Variants in SEL1L3 observed in about 807,000 individuals in gnomAD.
The protein encoded by SEL1L3 is protein sel-1 homolog 3.
SEL1L3 carries 76 observed loss-of-function variants against 142.8 expected under a neutral mutation model. The ratio of observed to expected loss-of-function variants is 0.53; its 90% CI spans 0.44 to 0.64. The LOEUF (loss-of-function observed/expected upper bound fraction) is 0.64. Among genes scored for constraint, SEL1L3 ranks in the 30% least tolerant of loss-of-function variants. The pLI is 0.00. For synonymous variants in SEL1L3, 504 were observed against 519.6 expected, an observed-to-expected ratio of 0.97 and a Z score of 0.41; for missense variants, 1,262 against 1,381.7, an observed-to-expected ratio of 0.91 and a Z score of 1.37.
At chr4:25,716,245 G>A in the SEL1L3 span, among the ~76,000 whole-genome samples, 17 of 152,076 alleles carry the variant, frequency 1.1e-4, no homozygotes, top group African/African-American at 3.6e-4. Flanking sequence ...AAATGTAAAT[G>A]GCCAATTAAC....
chr4:25,848,273 T>C (rs1179530431), intron 1 of SEL1L3, among the ~76,000 whole-genome samples: 1 of 152,182 alleles, frequency 6.6e-6, no homozygotes, highest in African/African-American at 2.4e-5. Context: ...AAATGGTGGG[T>C]CAGACACTAC....
At chr4:25,794,672 T>C (rs757213229) in intron 11 of SEL1L3, among the ~76,000 whole-genome samples, 3 of 152,174 alleles carry the variant, frequency 2.0e-5, no homozygotes, top group Non-Finnish European at 2.9e-5. Context: ...CCCAAAGACC[T>C]AGAACCAGAA....
chr4:25,808,366 CT>C (rs1219556228), intron 9 of SEL1L3, among the ~76,000 whole-genome samples: 2 of 152,110 alleles, frequency 1.3e-5, no homozygotes, highest in Non-Finnish European at 2.9e-5. Flanking sequence ...ATTTATTTTG[CT>C]TTTTTCCCCT....
At chr4:25,815,733 G>A (rs1205848018) in intron 9 of SEL1L3, among the ~76,000 whole-genome samples, 1 of 151,894 alleles carries the variant, frequency 6.6e-6, no homozygotes, top group Non-Finnish European at 1.5e-5. Flanking sequence ...ACGGAAACCT[G>A]GAATTATCTC....
chr4:25,776,392 A>T lies in SEL1L3; in HGVS notation c.2586-32T>A, dbSNP rs775572722. 227 of 1,406,078 alleles carry T rather than the reference A, an allele frequency of 1.6e-4. 1 individual carries two copies. The highest frequency in any genetic ancestry group is 2.2e-5 in the Non-Finnish European group (22 of 994,720). 87.1% of individuals were successfully genotyped at this position (1,406,078 alleles called of 1,614,324 possible). On this transcript the variant is annotated intron_variant, in intron 16 of 23. Transcript: ENST00000399878. ...AAAAAAAGGGAAGAGAAAATACGCA[A>T]ACCATGGCAAATTTAATAAAATGTT... is the stretch of plus-strand genomic sequence containing the variant.
intron 23 of SEL1L3, among the ~76,000 whole-genome samples, chr4:25,751,494 T>A (rs1717585875): frequency 6.6e-6 from 1 of 151,914 alleles, no homozygotes; most frequent in Non-Finnish European, 1.5e-5. Context: ...CTGGTGACTA[T>A]CTGAGTGACC....
At chr4:25,753,220 A>C (rs536478810) in intron 23 of SEL1L3, among the ~76,000 whole-genome samples, 82 of 152,376 alleles carry the variant, frequency 5.4e-4, no homozygotes, top group African/African-American at 1.8e-3. Context: ...ACTCAGGAGG[A>C]AAATGAAGGT....
the SEL1L3 span, among the ~76,000 whole-genome samples, chr4:25,737,239 T>C: frequency 6.6e-6 from 1 of 152,196 alleles, no homozygotes; most frequent in African/African-American, 2.4e-5. Flanking sequence ...TGCCTTGGCC[T>C]CGTAAAGTGC....
chr4:25,852,741 A>T (rs984077538), intron 1 of SEL1L3, among the ~76,000 whole-genome samples: 6 of 152,194 alleles, frequency 3.9e-5, no homozygotes, highest in African/African-American at 1.4e-4. Flanking sequence ...TTCTTTCCCA[A>T]AGAACAACTT....
intron 9 of SEL1L3, among the ~76,000 whole-genome samples, chr4:25,809,738 A>T (rs1237704275): frequency 6.6e-6 from 1 of 151,882 alleles, no homozygotes; most frequent in African/African-American, 2.4e-5. Flanking sequence ...GTCTCTGTGT[A>T]TTTTTTTAAA....
At chr4:25,781,794 GA>G (rs1720019198) in intron 15 of SEL1L3, among the ~76,000 whole-genome samples, 1 of 152,200 alleles carries the variant, frequency 6.6e-6, no homozygotes, top group African/African-American at 2.4e-5. Context: ...TGGCACAGAG[GA>G]AATGCTTAAT....
chr4:25,771,847 G>A lies in SEL1L3; in HGVS notation c.2670-4017C>T, dbSNP rs143058574. 2.9e-3 allele frequency among the ~76,000 whole-genome samples: 447 copies of A among 152,312 alleles called. 8 individuals carry two copies. The highest frequency in any genetic ancestry group is 1.7e-3 in the East Asian group (9 of 5,194). On this transcript the variant is annotated intron_variant, in intron 17 of 23. Transcript: ENST00000399878. ...CCTTGGCTAACTTCTTCGAGTGTCC[G>A]AGGACAGCCTCAGGCATGACAACAT...
the SEL1L3 span, among the ~76,000 whole-genome samples, chr4:25,734,085 G>A: frequency 1.3e-5 from 2 of 151,962 alleles, no homozygotes; most frequent in African/African-American, 2.4e-5. Flanking sequence ...GTGCAATGGC[G>A]TGATCTTGGC....
intron 9 of SEL1L3, among the ~76,000 whole-genome samples, chr4:25,813,362 A>G (rs911934419): frequency 6.6e-6 from 1 of 152,258 alleles, no homozygotes; most frequent in Non-Finnish European, 1.5e-5. Context: ...ATGAAATACC[A>G]TTCAGCCTTA....
Position 25,843,334 on chromosome 4 carries a change from G to A in SEL1L3, c.733+3960C>T, listed in dbSNP as rs527473462. On this transcript the variant is annotated intron_variant, in intron 2 of 23. Transcript: ENST00000399878. The stretch of plus-strand genomic sequence containing the variant: ...GGTGGCCACTTGCAGGCAGTGCCAG[G>A]AGTCCAGACAGGAGGATGACGGCTT... Among the ~76,000 whole-genome samples the A allele has an allele frequency of 1.5e-4, 23 of 152,286 alleles. No individual in the cohort carries two copies. The South Asian group carries it at 4.4e-3, about 29-fold the overall frequency.
chr4:25,787,016 C>T (rs1471500285), intron 13 of SEL1L3, among the ~76,000 whole-genome samples: 1 of 152,154 alleles, frequency 6.6e-6, no homozygotes, highest in East Asian at 1.9e-4. Context: ...GGACATAAGT[C>T]CACGAATTTC....
rs1715890402 is a variant in SEL1L3 at position 25,837,226 on chromosome 4, CT to C, written c.734-1904del. Among the ~76,000 whole-genome samples, 7 of 150,552 alleles carry C rather than the reference CT, an allele frequency of 4.6e-5. No individual in the cohort carries two copies. In the South Asian group the frequency reaches 1.5e-3, roughly 32 times the overall value. On this transcript the variant is annotated intron_variant, in intron 2 of 23. Coordinates refer to ENST00000399878, the MANE Select transcript of SEL1L3 (RefSeq NM_015187.5). ...ACCAAGGAAGTTGACATCAGCTCAA[CT>C]TTGGTTTGGCTTCCACTATGTTGAG...
intron 2 of SEL1L3, among the ~76,000 whole-genome samples, chr4:25,844,171 G>T (rs1015242095): frequency 4.6e-5 from 7 of 152,166 alleles, no homozygotes; most frequent in Non-Finnish European, 1.0e-4. Context: ...GTTCTGACTT[G>T]ATTCTTGTTC....
chr4:25,846,371 G>A (rs1408668923), intron 2 of SEL1L3, among the ~76,000 whole-genome samples: 2 of 152,192 alleles, frequency 1.3e-5, no homozygotes, highest in African/African-American at 2.4e-5. Flanking sequence ...ACTGAGTGCT[G>A]ATGATGTGCT....
Sources: gnomAD v4.1 joint callset for allele counts (sites outside exome capture counted in the v4.1 genomes callset) on GRCh38, gnomAD v4.1.1 for gene constraint, MANE v1.5 for transcripts, NCBI Gene and HGNC (gene_info 2026-07-23, HGNC 2026-07-21) for gene names.